TRMT11: variants seen among roughly 807,000 people sequenced by gnomAD.
TRMT11 encodes tRNA (guanine(10)-N(2))-methyltransferase TRMT11.
TRMT11 carries 53 observed loss-of-function variants against 62.8 expected under a neutral mutation model. That is an observed-to-expected ratio of 0.84 (90% CI 0.68 to 1.06). The LOEUF is 1.06. Among genes scored for constraint, TRMT11 ranks in the 50% least tolerant of loss-of-function variants. The probability of loss-of-function intolerance (pLI) is 0.00; values close to 1 mark genes in which losing one functional copy is unlikely to be tolerated. For missense variants in TRMT11, 556 were observed against 553.4 expected, an observed-to-expected ratio of 1.00 and a Z score of -0.05; for synonymous variants, 188 against 190.3, an observed-to-expected ratio of 0.99 and a Z score of 0.10.
intron 7 of TRMT11, among the ~76,000 whole-genome samples, chr6:126,002,579 A>G (rs1041239660): frequency 6.6e-6 from 1 of 152,084 alleles, no homozygotes; most frequent in Admixed American, 6.6e-5. Flanking sequence ...CTTTTCATTT[A>G]AAATTCATTT....
At chr6:126,043,248 C>A (rs373810680), downstream of TRMT11, among the ~76,000 whole-genome samples, 4 of 139,076 alleles carry the variant, frequency 2.9e-5, no homozygotes, top group East Asian at 6.8e-4. Flanking sequence ...GTTCCCCTTC[C>A]TGTGTCCATG....
intron 16 of TRMT11, among the ~76,000 whole-genome samples, chr6:126,047,789 C>T (rs1195255634): frequency 6.6e-6 from 1 of 152,188 alleles, no homozygotes; most frequent in Non-Finnish European, 1.5e-5. Flanking sequence ...TGAGCACACC[C>T]CTGTCACAAG....
rs569741207 is a variant in TRMT11 at position 126,044,407 on chromosome 6, G to A, written c.*1369+3562G>A. Among the ~76,000 whole-genome samples, 16 of 152,168 alleles carry A rather than the reference G, an allele frequency of 1.1e-4. No homozygotes were observed. The East Asian group carries it at 2.1e-3, about 20-fold the overall frequency. On this transcript the variant is annotated intron_variant and NMD_transcript_variant, in intron 16 of 22. Coordinates refer to the TRMT11 transcript ENST00000648977. ...TCTGAGGGCTCTGTTCTGTTCCGTCGATCTATATCTCTGTTTTGGTACCAG... is the reference window on the plus strand; with the variant it reads ...TCTGAGGGCTCTGTTCTGTTCCGTCAATCTATATCTCTGTTTTGGTACCAG...
chr6:126,004,768 A>C (rs1793099683), intron 7 of TRMT11, among the ~76,000 whole-genome samples: 1 of 152,036 alleles, frequency 6.6e-6, no homozygotes, highest in Non-Finnish European at 1.5e-5. Flanking sequence ...TTGCTCACTT[A>C]CTACTCATGG....
chr6:126,022,777 T>C (rs1047352656), intron 12 of TRMT11, among the ~76,000 whole-genome samples: 5 of 152,254 alleles, frequency 3.3e-5, no homozygotes, highest in African/African-American at 4.8e-5. Context: ...GATTGGTATC[T>C]ACTATATGTA....
At chr6:126,182,565 G>A (rs1778479604) in intron 1 of TRMT11, among the ~76,000 whole-genome samples, 1 of 151,866 alleles carries the variant, frequency 6.6e-6, no homozygotes, top group Non-Finnish European at 1.5e-5. Context: ...CAGTATGGTA[G>A]CCTGACCCCT....
At chr6:126,230,665 A>G in the TRMT11 span, among the ~76,000 whole-genome samples, 12 of 152,300 alleles carry the variant, frequency 7.9e-5, no homozygotes, top group African/African-American at 2.9e-4. Context: ...ACTGCATCGG[A>G]TATTTTTACT....
intron 17 of TRMT11, among the ~76,000 whole-genome samples, chr6:126,072,977 T>C (rs1776901898): frequency 6.6e-6 from 1 of 152,194 alleles, no homozygotes; most frequent in African/African-American, 2.4e-5. Flanking sequence ...TCTTAGGATT[T>C]CAACAGAGTT....
At chr6:126,068,594 A>G (rs554520353) in intron 17 of TRMT11, among the ~76,000 whole-genome samples, 4 of 152,336 alleles carry the variant, frequency 2.6e-5, no homozygotes, top group Admixed American at 6.5e-5. Context: ...CATCAATACA[A>G]TAGTACATCT....
chr6:126,093,352 C>T (rs189012948), intron 17 of TRMT11, among the ~76,000 whole-genome samples: 111 of 151,602 alleles, frequency 7.3e-4, no homozygotes, highest in African/African-American at 2.5e-3. Context: ...GATTTCTTTC[C>T]TCATTTCATA....
At chr6:126,128,952 A>G (rs11154346) in intron 21 of TRMT11, among the ~76,000 whole-genome samples, 37,175 of 146,680 alleles carry the variant, frequency 0.25, 5,184 homozygotes, top group Middle Eastern at 0.36. Flanking sequence ...TCAAGTGCAG[A>G]CAACTTTTTC....
intron 17 of TRMT11, among the ~76,000 whole-genome samples, chr6:126,089,750 A>T (rs1215477840): frequency 3.9e-5 from 6 of 152,258 alleles, no homozygotes; most frequent in African/African-American, 1.4e-4. Context: ...TTAGGAATTT[A>T]TGTCTACTGT....
intron 21 of TRMT11, among the ~76,000 whole-genome samples, chr6:126,155,127 C>T (rs1427006451): frequency 6.6e-6 from 1 of 152,210 alleles, no homozygotes; most frequent in Non-Finnish European, 1.5e-5. Context: ...GCAGCCTATA[C>T]AAGCATGGCT....
chr6:126,231,402 T>C, the TRMT11 span, among the ~76,000 whole-genome samples: 1 of 152,204 alleles, frequency 6.6e-6, no homozygotes, highest in Non-Finnish European at 1.5e-5. Context: ...GCATTTTTAG[T>C]ATTGAAAAAA....
intron 21 of TRMT11, among the ~76,000 whole-genome samples, chr6:126,167,796 C>A (rs949479025): frequency 6.6e-6 from 1 of 152,160 alleles, no homozygotes; most frequent in African/African-American, 2.4e-5. Context: ...AACAGACCAG[C>A]CTTCTTTTTC....
At chr6:126,076,190 C>T (rs1289970533) in intron 17 of TRMT11, among the ~76,000 whole-genome samples, 1 of 152,150 alleles carries the variant, frequency 6.6e-6, no homozygotes, top group Non-Finnish European at 1.5e-5. Context: ...AGTAGCAGAA[C>T]CCACATTTCC....
intron 12 of TRMT11, among the ~76,000 whole-genome samples, chr6:126,026,592 G>C (rs1773142825): frequency 6.6e-6 from 1 of 151,048 alleles, no homozygotes; most frequent in African/African-American, 2.4e-5. Flanking sequence ...TCACCATGTT[G>C]GCCAGGATGG....
chr6:126,142,337 C>T (rs1022986575), intron 21 of TRMT11, among the ~76,000 whole-genome samples: 2 of 152,004 alleles, frequency 1.3e-5, no homozygotes, highest in Admixed American at 6.6e-5. Flanking sequence ...GAGGGGGGCA[C>T]AAATATCAGA....
At position 126,021,150 on chromosome 6, in the gene TRMT11, CT is replaced by C; in HGVS notation, c.1140-7del. 1 of 1,613,942 alleles carries C rather than the reference CT, an allele frequency of 6.2e-7. No individual in the cohort carries two copies. Among genetic ancestry groups the C allele is most frequent in the Non-Finnish European group, 8.5e-7 (1 of 1,179,854 alleles). On this transcript the variant is annotated splice_polypyrimidine_tract_variant and intron_variant, in intron 11 of 12. Coordinates refer to ENST00000334379, the MANE Select transcript of TRMT11 (RefSeq NM_001031712.3). ...TGAGTGTTCCTAACAGTCAGCTGTT[CT>C]TTCTTCAGATACACTGAAGAGATGG...
Sources: allele counts gnomAD v4.1 joint callset (sites outside exome capture counted in the v4.1 genomes callset), GRCh38; gene constraint gnomAD v4.1.1; transcripts MANE v1.5; gene names NCBI Gene and HGNC (gene_info 2026-07-23, HGNC 2026-07-21).